The following MAGI1 variants were observed in gnomAD, a reference collection of about 807,000 sequenced individuals.
MAGI1 encodes the protein membrane-associated guanylate kinase, WW and PDZ domain-containing protein 1.
In MAGI1, 58 loss-of-function variants were observed where a neutral mutation model predicts 139.9. That is an observed-to-expected ratio of 0.41 (90% CI 0.34 to 0.52). The LOEUF (loss-of-function observed/expected upper bound fraction) is 0.52. MAGI1 is among the 20% of genes least tolerant of loss of function. The pLI, the probability that MAGI1 is intolerant of heterozygous loss-of-function variation, is 0.12. For synonymous variants in MAGI1, 812 were observed against 737.9 expected (o/e 1.10, Z -1.63); for missense variants, 1,874 against 1,901.6 (o/e 0.99, Z 0.27).
chr3:65,616,780 C>T (rs1387157487), intron 2 of MAGI1, among the ~76,000 whole-genome samples: 1 of 152,212 alleles, frequency 6.6e-6, no homozygotes, highest in Non-Finnish European at 1.5e-5. Flanking sequence ...GTGTCCAACA[C>T]AACCTGAACA....
chr3:65,763,742 C>T (rs559491030), intron 1 of MAGI1, among the ~76,000 whole-genome samples: 1 of 150,456 alleles, frequency 6.6e-6, no homozygotes, highest in Non-Finnish European at 1.5e-5. Context: ...TCATATCGCA[C>T]AAGTGCTTTT....
intron 22 of MAGI1, 24 bp downstream of exon 22, chr3:65,361,175 G>C: frequency 6.2e-7 from 1 of 1,614,100 alleles, no homozygotes; most frequent in Non-Finnish European, 8.5e-7. Context: ...GGGAAGGAAG[G>C]AATGTTTTCA....
At position 65,871,154 on chromosome 3, in the gene MAGI1, T is replaced by A. The variant is rs373686202; in HGVS notation, c.313+166842A>T. Reference sequence around the variant, plus strand: ...TGTCTCACTATGTTGCCCAAACTGGTCTTGAACCCTGGACTCAAGCAAACC... The same window carrying A: ...TGTCTCACTATGTTGCCCAAACTGGACTTGAACCCTGGACTCAAGCAAACC... On this transcript the variant is annotated intron_variant, in intron 1 of 22. Coordinates refer to ENST00000402939, the MANE Select transcript of MAGI1 (RefSeq NM_001033057.2). Among the ~76,000 whole-genome samples, 5 of 152,044 alleles carry A rather than the reference T, an allele frequency of 3.3e-5. No homozygotes were observed. In the East Asian group the frequency reaches 5.8e-4, roughly 18 times the overall value.
At chr3:65,424,807 A>G (rs968218584) in intron 12 of MAGI1, among the ~76,000 whole-genome samples, 1 of 152,182 alleles carries the variant, frequency 6.6e-6, no homozygotes, top group African/African-American at 2.4e-5. Context: ...CAAAACTAGA[A>G]GGGACCGTAG....
At chr3:66,000,650 A>G (rs1371807525) in intron 1 of MAGI1, among the ~76,000 whole-genome samples, 1 of 152,256 alleles carries the variant, frequency 6.6e-6, no homozygotes, top group Non-Finnish European at 1.5e-5. Flanking sequence ...ACCAGGAAGC[A>G]GGTGAGCCAG....
intron 12 of MAGI1, among the ~76,000 whole-genome samples, chr3:65,425,515 CA>C (rs1218400591): frequency 6.6e-6 from 1 of 152,114 alleles, no homozygotes; most frequent in Non-Finnish European, 1.5e-5. Flanking sequence ...TAGCTCAAAA[CA>C]TTCATCTTTT....
chr3:65,754,480 A>C (rs2036404483), intron 1 of MAGI1, among the ~76,000 whole-genome samples: 1 of 152,358 alleles, frequency 6.6e-6, no homozygotes, highest in South Asian at 2.1e-4. Flanking sequence ...TTCAAGATCA[A>C]GAAAGTTATT....
chr3:65,722,116 G>A (rs2033103152), intron 1 of MAGI1, among the ~76,000 whole-genome samples: 1 of 152,054 alleles, frequency 6.6e-6, no homozygotes, highest in Non-Finnish European at 1.5e-5. Context: ...CAAGTTCCAT[G>A]GCTTAAGAAC....
At chr3:65,745,493 T>A (rs2035625540) in intron 1 of MAGI1, among the ~76,000 whole-genome samples, 1 of 152,224 alleles carries the variant, frequency 6.6e-6, no homozygotes, top group Admixed American at 6.5e-5. Flanking sequence ...CAGGCAAGCA[T>A]ATTTTGCATG....
intron 1 of MAGI1, among the ~76,000 whole-genome samples, chr3:65,905,490 T>TAA (rs34695349): frequency 4.2e-5 from 6 of 142,150 alleles, no homozygotes; most frequent in African/African-American, 7.7e-5. Flanking sequence ...GACCTTGCCT[T>TAA]AAAAAAAAAA....
At chr3:65,771,128 G>A (rs189667768) in intron 1 of MAGI1, among the ~76,000 whole-genome samples, 2,180 of 151,884 alleles carry the variant, frequency 0.014, 51 homozygotes, top group African/African-American at 0.049. Flanking sequence ...CCAACATAGC[G>A]AAACCCCGTC....
At chr3:65,541,921 G>A (rs1479504602) in intron 2 of MAGI1, among the ~76,000 whole-genome samples, 2 of 152,014 alleles carry the variant, frequency 1.3e-5, no homozygotes, top group Non-Finnish European at 2.9e-5. Flanking sequence ...TTCTGGCCAG[G>A]GCAATCAGGC....
intron 12 of MAGI1, among the ~76,000 whole-genome samples, chr3:65,414,387 A>G (rs571821680): frequency 6.6e-4 from 101 of 152,340 alleles, no homozygotes; most frequent in African/African-American, 2.3e-3. Context: ...GTTGCGTTAC[A>G]TAAGAGTGAC....
At chr3:65,495,755 T>A (rs1191460972) in intron 2 of MAGI1, among the ~76,000 whole-genome samples, 3 of 152,074 alleles carry the variant, frequency 2.0e-5, no homozygotes, top group Admixed American at 2.0e-4. Flanking sequence ...GTAGGGAAGC[T>A]ATATTAGCTA....
intron 3 of MAGI1, among the ~76,000 whole-genome samples, chr3:65,480,257 G>T (rs67768800): frequency 0.57 from 87,085 of 151,608 alleles, 25,961 homozygotes; most frequent in East Asian, 0.94. Context: ...TCTCAGCAGG[G>T]TACAGTGGAT....
rs979679516 is a variant in MAGI1, at chr3:65,578,782, G to A, written c.430+43190C>T. Among the ~76,000 whole-genome samples, 5 of 152,188 alleles carry A rather than the reference G, an allele frequency of 3.3e-5. No homozygotes were observed. In the South Asian group the frequency reaches 6.2e-4, roughly 19 times the overall value. On this transcript the variant is annotated intron_variant, in intron 2 of 22. Coordinates refer to ENST00000402939, the MANE Select transcript of MAGI1 (RefSeq NM_001033057.2). ...TAAAAATACAAGAAACTAGCGGGGC[G>A]TGGTGGCACATCCCTGTACCCCCAG...
intron 1 of MAGI1, among the ~76,000 whole-genome samples, chr3:65,782,736 T>C (rs554036013): frequency 1.3e-4 from 19 of 151,408 alleles, no homozygotes; most frequent in Non-Finnish European, 2.5e-4. Context: ...TTTTCAGGTG[T>C]AATACCTACA....
At chr3:65,542,975 T>C (rs2079313257) in intron 2 of MAGI1, among the ~76,000 whole-genome samples, 1 of 151,886 alleles carries the variant, frequency 6.6e-6, no homozygotes, top group Admixed American at 6.6e-5. Flanking sequence ...CCCTACAGAA[T>C]GGGAGAACAT....
At chr3:65,757,972 A>C (rs185013139) in intron 1 of MAGI1, among the ~76,000 whole-genome samples, 6 of 152,288 alleles carry the variant, frequency 3.9e-5, no homozygotes, top group Admixed American at 3.9e-4. Flanking sequence ...TCTTTCCAGA[A>C]ACTTCCTTCA....
Sources: gnomAD v4.1 joint callset for allele counts (sites outside exome capture counted in the v4.1 genomes callset) on GRCh38, gnomAD v4.1.1 for gene constraint, MANE v1.5 for transcripts, NCBI Gene and HGNC (gene_info 2026-07-23, HGNC 2026-07-21) for gene names.